The following FRMPD3 variants were observed in gnomAD, a reference collection of about 807,000 sequenced individuals.
FRMPD3 encodes FERM and PDZ domain-containing protein 3.
A neutral mutation model predicts 97.9 loss-of-function variants in FRMPD3; 42 were observed. The ratio of observed to expected loss-of-function variants is 0.43; its 90% confidence interval spans 0.34 to 0.55. The LOEUF is 0.55. Ranked by LOEUF, FRMPD3 falls within the 20% of genes least tolerant of loss-of-function variation. The pLI, the probability that FRMPD3 is intolerant of heterozygous loss-of-function variation, is 0.03. For missense variants in FRMPD3, 1,303 were observed against 1,457.7 expected, an observed-to-expected ratio of 0.89 and a Z score of 1.73; for synonymous variants, 577 against 581.1, an observed-to-expected ratio of 0.99 and a Z score of 0.10.
intron 14 of FRMPD3, 79 bp downstream of exon 14, chrX:107,598,221 C>A: frequency 1.1e-6 from 1 of 872,018 alleles, no homozygotes; most frequent in African/African-American, 2.0e-5. Flanking sequence ...TGTGTCTTCC[C>A]AAATAGGTGT....
intron 12 of FRMPD3, among the ~76,000 whole-genome samples, chrX:107,571,202 T>C (rs1017355154): frequency 8.9e-6 from 1 of 111,964 alleles, no homozygotes; most frequent in Admixed American, 9.4e-5. Context: ...ATGTTTGAGC[T>C]TTATTTCTCT....
At chrX:107,585,822 T>C (rs1257096164) in intron 13 of FRMPD3, among the ~76,000 whole-genome samples, 1 of 112,356 alleles carries the variant, frequency 8.9e-6, no homozygotes, top group Non-Finnish European at 1.9e-5. Flanking sequence ...AGTTTTTCGA[T>C]GTGCTGCTGG....
At chrX:107,557,664 C>CGTGTGT (rs760760257) in intron 8 of FRMPD3, among the ~76,000 whole-genome samples, 24 of 87,149 alleles carry the variant, frequency 2.8e-4, no homozygotes, top group Admixed American at 1.1e-3. Context: ...ATCAAAGTTT[C>CGTGTGT]GTGTGTGTGT....
intron 10 of FRMPD3, among the ~76,000 whole-genome samples, chrX:107,561,528 C>T (rs1481730901): frequency 2.7e-5 from 3 of 110,538 alleles, no homozygotes; most frequent in Non-Finnish European, 3.8e-5. Context: ...GTTACTGCCT[C>T]CACTTTCTAG....
intron 12 of FRMPD3, among the ~76,000 whole-genome samples, chrX:107,571,587 G>A (rs575188564): frequency 9.0e-6 from 1 of 111,592 alleles, no homozygotes; most frequent in African/African-American, 3.3e-5. Flanking sequence ...TACTGGCACT[G>A]GGCTATCTTG....
At position 107,486,193 on chromosome X, in the gene FRMPD3, A is replaced by G. The variant is rs140757736; in HGVS notation, c.-8+36188A>G. 5.4e-5 allele frequency among the ~76,000 whole-genome samples: 6 copies of G among 112,133 alleles called. No individual in the cohort carries two copies. In the East Asian group the frequency reaches 1.7e-3, roughly 31 times the overall value. On this transcript the variant is annotated intron_variant, in intron 1 of 14. Transcript: ENST00000683843. ...GCCCTGGAGGCCTGGGACACGCCTG[A>G]CCCTTTCCTGGGTGCCATCTCCAGT...
At chrX:107,600,239 C>A in intron 14 of FRMPD3, 64 bp from the exon 15 acceptor site, 1 of 1,122,841 alleles carries the variant, frequency 8.9e-7, no homozygotes, top group South Asian at 2.2e-5. Context: ...GAGGGACAAC[C>A]GTGTAGAGCT....
In FRMPD3 at chrX:107,601,761, A is replaced by C; in HGVS notation, c.3722A>C (p.Lys1241Thr). 1 of 1,211,086 alleles carries C rather than the reference A, an allele frequency of 8.3e-7. No individual in the cohort carries two copies. Among genetic ancestry groups the C allele is most frequent in the Non-Finnish European group, 1.1e-6 (1 of 895,405 alleles). The change falls in exon 15 of 15, where the codon AAG becomes ACG. Residue 1241 changes from lysine (K) to threonine (T), a missense_variant. Physicochemically the swap from Lys to Thr is moderately conservative, Grantham distance 78. This residue lies in a region of FRMPD3 where 764 missense variants were observed against 820.2 expected (regional missense o/e 0.93). Coordinates refer to ENST00000683843, the MANE Select transcript of FRMPD3 (RefSeq NM_001388459.1). Reference sequence around the variant, plus strand: ...GATGAGCGGCAGGCCCAACTGCAGAAGGTAAAGCAGTATGAACTGGAGTTC... The same window carrying C: ...GATGAGCGGCAGGCCCAACTGCAGACGGTAAAGCAGTATGAACTGGAGTTC... ...ETDERQAQLQKVKQYELEFLE... is the reference protein window; with the variant it reads ...ETDERQAQLQTVKQYELEFLE...
chrX:107,604,919 G>A lies in FRMPD3; in HGVS notation c.*1546G>A, dbSNP rs1569433667. 9.0e-6 allele frequency: 1 copy of A among 110,572 alleles called. No homozygotes were observed. Among genetic ancestry groups the A allele is most frequent in the Non-Finnish European group, 1.9e-5 (1 of 52,905 alleles). The allele number at this position is 110,572 out of a possible 1,213,427, so 9.1% of individuals were successfully genotyped here. ...AAGGAGGAGGGGAGTTTCTTCTGCA[G>A]AATCCAGCCCCTCACTTCCTTGCTT... On this transcript the variant is annotated 3_prime_UTR_variant, in exon 15 of 15. Transcript: ENST00000683843.
chrX:107,529,806 T>G (rs1922855063), intron 2 of FRMPD3, among the ~76,000 whole-genome samples: 2 of 111,720 alleles, frequency 1.8e-5, no homozygotes, highest in South Asian at 7.6e-4. Flanking sequence ...AAGAAGATCC[T>G]TCCTCGTCCT....
intron 13 of FRMPD3, among the ~76,000 whole-genome samples, chrX:107,583,550 C>A (rs766335844): frequency 4.5e-5 from 5 of 111,984 alleles, no homozygotes; most frequent in African/African-American, 9.7e-5. Flanking sequence ...AATAAACATA[C>A]GTGTGCATGT....
intron 1 of FRMPD3, among the ~76,000 whole-genome samples, chrX:107,463,618 ATGT>A (rs998107580): frequency 8.9e-6 from 1 of 112,569 alleles, no homozygotes; most frequent in Non-Finnish European, 1.9e-5. Flanking sequence ...GGGCAGGAAC[ATGT>A]TGTTTCCTCT....
intron 13 of FRMPD3, among the ~76,000 whole-genome samples, chrX:107,581,170 A>C (rs1923364492): frequency 9.0e-6 from 1 of 111,022 alleles, no homozygotes; most frequent in African/African-American, 3.3e-5. Flanking sequence ...GTGCAGTGTC[A>C]TGATCTCGGC....
chrX:107,569,333 A>G (rs1441288723), intron 12 of FRMPD3, among the ~76,000 whole-genome samples: 5 of 106,907 alleles, frequency 4.7e-5, no homozygotes, highest in African/African-American at 1.7e-4. Flanking sequence ...AATACATGGC[A>G]CACAGAAGGA....
In FRMPD3 at chrX:107,601,881, G is replaced by A. The variant is rs758378389; in HGVS notation, c.3842G>A (p.Arg1281His). 2.3e-5 allele frequency: 28 copies of A among 1,206,144 alleles called. No individual in the cohort carries two copies. In the South Asian group the frequency reaches 2.9e-4, roughly 12 times the overall value. The part of the protein sequence containing the change: ...PAPGRCSCQL[R>H]SSPVQQGPGM... ...CCTGGCCGCTGCAGCTGCCAGCTCC[G>A]CAGCAGCCCTGTGCAGCAGGGGCCT... The change falls in exon 15 of 15, where the codon CGC becomes CAC. Residue 1281 changes from arginine to histidine, a missense_variant. Transcript: ENST00000683843.
Position 107,585,704 on chromosome X carries a change from G to GT in FRMPD3, c.1441+9252dup, listed in dbSNP as rs1309932425. ...TCTGCATCAGTTGAGATAATCATGTGTTTTTTTGTCTTTGGTTCTGTTTAT... is the reference window on the plus strand; with the variant it reads ...TCTGCATCAGTTGAGATAATCATGTGTTTTTTTTGTCTTTGGTTCTGTTTAT... On this transcript the variant is annotated intron_variant, in intron 13 of 14. Coordinates refer to ENST00000683843, the MANE Select transcript of FRMPD3 (RefSeq NM_001388459.1). Among the ~76,000 whole-genome samples the GT allele has an allele frequency of 8.9e-5, 10 of 111,828 alleles. No individual in the cohort carries two copies. In the South Asian group the frequency reaches 1.9e-3, roughly 21 times the overall value.
intron 1 of FRMPD3, among the ~76,000 whole-genome samples, chrX:107,508,241 A>G (rs1180347134): frequency 8.9e-6 from 1 of 112,168 alleles, no homozygotes. Flanking sequence ...TCCCTACAGC[A>G]AAGTGTATTT....
intron 1 of FRMPD3, among the ~76,000 whole-genome samples, chrX:107,461,962 C>T (rs1382370620): frequency 9.2e-6 from 1 of 108,268 alleles, no homozygotes; most frequent in Non-Finnish European, 1.9e-5. Context: ...TTTTTTCTTC[C>T]CCCAGCCTGC....
At position 107,560,260 on chromosome X, in the gene FRMPD3, C is replaced by T; in HGVS notation, c.766C>T (p.Arg256Trp). The change falls in exon 9 of 15, where the codon CGG becomes TGG. Residue 256 changes from arginine to tryptophan, a missense_variant. This residue lies in a region of FRMPD3 where 535 missense variants were observed against 618.6 expected (regional missense o/e 0.86). Transcript: ENST00000683843. ...TTTGGACTGCCCTCTCTCACAGAGTCGGAATGATGTTATTCGAGAACGCTT... is the reference window on the plus strand; with the variant it reads ...TTTGGACTGCCCTCTCTCACAGAGTTGGAATGATGTTATTCGAGAACGCTT... The part of the protein sequence containing the change: ...AAFEYLYIQS[R>W]NDVIRERFGM... 2.5e-6 allele frequency: 3 copies of T among 1,207,731 alleles called. No homozygotes were observed. The highest frequency in any genetic ancestry group is 3.0e-5 in the East Asian group (1 of 33,752).
Sources: allele counts gnomAD v4.1 joint callset (sites outside exome capture counted in the v4.1 genomes callset), GRCh38; gene constraint gnomAD v4.1.1; regional missense constraint gnomAD v4.1.1; transcripts MANE v1.5; gene names NCBI Gene and HGNC (gene_info 2026-07-23, HGNC 2026-07-21).